The following FKBP15 variants were observed in gnomAD, a reference collection of about 807,000 sequenced individuals.
FKBP15 encodes FKBP prolyl isomerase family member 15.
Under a neutral mutation model 158.1 loss-of-function variants are expected in FKBP15, and 106 were observed. That is an observed-to-expected ratio of 0.67 (90% CI 0.57 to 0.79). The LOEUF is 0.79. Ranked by LOEUF, FKBP15 falls within the 30% of genes least tolerant of loss-of-function variation. FKBP15 has a pLI of 0.00. For synonymous variants in FKBP15, 547 were observed against 548.6 expected (o/e 1.00, Z 0.04); for missense variants, 1,287 against 1,479.1 (o/e 0.87, Z 2.13).
Position 113,166,096 on chromosome 9 carries a change from GTCATCGTCATCATCA to G in FKBP15, c.3627_3641del (p.Asp1210_Asp1214del). ...TGGGTCTTCATCCCAGCCAGTCAAT[GTCATCGTCATCATCA>G]TCATCTCCAAAAAGGGGCGTTGGGG... On this transcript the variant is annotated inframe_deletion, in exon 28 of 28. Transcript: ENST00000238256. The G allele has an allele frequency of 6.2e-7, 1 of 1,613,630 alleles. No individual in the cohort carries two copies. The highest frequency in any genetic ancestry group is 8.5e-7 in the Non-Finnish European group (1 of 1,179,746).
intron 19 of FKBP15, among the ~76,000 whole-genome samples, chr9:113,179,954 C>T (rs929503135): frequency 6.6e-6 from 1 of 152,190 alleles, no homozygotes; most frequent in African/African-American, 2.4e-5. Context: ...GAGTGGCTTT[C>T]ATCTACTCAT....
chr9:113,212,710 C>A (rs1441616313), intron 1 of FKBP15, among the ~76,000 whole-genome samples: 2 of 152,180 alleles, frequency 1.3e-5, no homozygotes, highest in African/African-American at 4.8e-5. Context: ...ACCCCTTGGG[C>A]TCTTCTTCTT....
intron 11 of FKBP15, among the ~76,000 whole-genome samples, chr9:113,191,127 A>G (rs1830566599): frequency 1.3e-5 from 2 of 152,100 alleles, no homozygotes; most frequent in Admixed American, 6.6e-5. Flanking sequence ...GGTGCACAAT[A>G]TGAGCTATTG....
chr9:113,191,881 A>G lies in FKBP15; in HGVS notation c.1066-1303T>C, dbSNP rs148690936. Among the ~76,000 whole-genome samples, 832 of 151,960 alleles carry G rather than the reference A, an allele frequency of 5.5e-3. 5 individuals carry two copies. Among genetic ancestry groups the G allele is most frequent in the African/African-American group, 0.019 (788 of 41,498 alleles). On this transcript the variant is annotated intron_variant, in intron 11 of 27. Transcript: ENST00000238256. ...ATAGGAGTGAGTCCTCACAATGTAG[A>G]TCTTGTTATATTGTTTTGATAACTG...
In FKBP15 at chr9:113,162,028, C is replaced by A; in HGVS notation, c.*4050G>T. 1 of 407,948 alleles carries A rather than the reference C, an allele frequency of 2.5e-6. No homozygotes were observed. 25.3% of individuals were successfully genotyped at this position (407,948 alleles called of 1,614,324 possible). A position where few individuals can be genotyped will look rare whatever the true frequency, so the allele number is the denominator to read the frequency against. On this transcript the variant is annotated 3_prime_UTR_variant, in exon 28 of 28. Coordinates refer to ENST00000238256, the MANE Select transcript of FKBP15 (RefSeq NM_015258.2). ...CTCACCAGTTCCATGGGTCACTAGG[C>A]TCCCATATCCAGGAGGGGATCTGCA...
intron 12 of FKBP15, 128 bp from the exon 13 acceptor site, chr9:113,188,619 C>T (rs1397555245): frequency 1.9e-5 from 14 of 723,336 alleles, no homozygotes; most frequent in Non-Finnish European, 2.8e-5. Context: ...GAAAGGTAAG[C>T]GGAAGGCCAA....
In FKBP15 at chr9:113,190,527, G is replaced by C. The variant is rs751234192; in HGVS notation, c.1117C>G (p.Gln373Glu). The C allele has an allele frequency of 6.2e-7, 1 of 1,612,504 alleles. No individual in the cohort carries two copies. The highest frequency in any genetic ancestry group is 1.1e-5 in the South Asian group (1 of 90,622). Residue 373 changes from glutamine (Q) to glutamate (E), a missense_variant, in exon 12 of 28, where the codon CAG becomes GAG. Gln to Glu is a conservative substitution (Grantham distance 29). Coordinates refer to ENST00000238256, the MANE Select transcript of FKBP15 (RefSeq NM_015258.2). Reference protein sequence around the residue: ...KLISRMAKMGQPMLPILPPQL... With the variant: ...KLISRMAKMGEPMLPILPPQL... ...GGTGGAAGGATGGGCAGCATGGGCTGGCCCATTTTAGCCATCCGAGAGATC... is the reference window on the plus strand; with the variant it reads ...GGTGGAAGGATGGGCAGCATGGGCTCGCCCATTTTAGCCATCCGAGAGATC...
At position 113,207,273 on chromosome 9, in the gene FKBP15, C is replaced by T. The variant is rs1269087177; in HGVS notation, c.193G>A (p.Ala65Thr). 6.2e-7 allele frequency: 1 copy of T among 1,612,942 alleles called. No individual in the cohort carries two copies. Among genetic ancestry groups the T allele is most frequent in the African/African-American group, 1.3e-5 (1 of 74,518 alleles). The change falls in exon 3 of 28, where the codon GCA (alanine) becomes ACA (threonine). Residue 65 changes from alanine to threonine, a missense_variant. Transcript: ENST00000238256. Reference sequence around the variant, plus strand: ...GTGGGAGTGCTCATGGTGGCTGGTGCTGTTTTTGGTGTTGCCTGATTTCCT... The same window carrying T: ...GTGGGAGTGCTCATGGTGGCTGGTGTTGTTTTTGGTGTTGCCTGATTTCCT... Reference protein sequence around the residue: ...ATGNQATPKTAPATMSTPTIL... With the variant: ...ATGNQATPKTTPATMSTPTIL...
rs763455123 is a variant in FKBP15 at position 113,162,927 on chromosome 9, A to G, written c.*3151T>C. The G allele has an allele frequency of 6.9e-6, 11 of 1,598,844 alleles. No individual in the cohort carries two copies. In the Admixed American group the frequency reaches 1.4e-4, roughly 20 times the overall value. ...TCTCAGCACAGCTTAGCTGGTGAGG[A>G]ACGTGCAGGCACTGAGGCTGGAGGG... On this transcript the variant is annotated 3_prime_UTR_variant, in exon 28 of 28. Transcript: ENST00000238256.
chr9:113,166,156 C>T lies in FKBP15; in HGVS notation c.3583-1G>A, dbSNP rs1460670471. 1.9e-6 allele frequency: 3 copies of T among 1,611,768 alleles called. No homozygotes were observed. Among genetic ancestry groups the T allele is most frequent in the Non-Finnish European group, 2.5e-6 (3 of 1,178,984 alleles). ...TTGGGGGCGGGCGTCCCTTCATGCTCTGATAAAACAGGAAAGAGCAGTCAG... is the reference window on the plus strand; with the variant it reads ...TTGGGGGCGGGCGTCCCTTCATGCTTTGATAAAACAGGAAAGAGCAGTCAG... On this transcript the variant is annotated splice_acceptor_variant, in intron 27 of 27. Coordinates refer to ENST00000238256, the MANE Select transcript of FKBP15 (RefSeq NM_015258.2). LOFTEE classifies it high-confidence loss of function.
intron 2 of FKBP15, among the ~76,000 whole-genome samples, chr9:113,209,811 C>G (rs562559694): frequency 1.3e-5 from 2 of 152,360 alleles, no homozygotes; most frequent in African/African-American, 2.4e-5. Context: ...TAAAGCCAAC[C>G]TCCTCTGCTC....
intron 25 of FKBP15, 89 bp from the exon 26 acceptor site, chr9:113,170,031 A>G (rs1830177520): frequency 7.0e-7 from 1 of 1,432,216 alleles, no homozygotes; most frequent in East Asian, 2.5e-5. Flanking sequence ...ATGTAGTTTA[A>G]ATGACTTTGC....
At chr9:113,206,453 C>A in intron 4 of FKBP15, 56 bp downstream of exon 4, 1 of 1,410,094 alleles carries the variant, frequency 7.1e-7, no homozygotes, top group Non-Finnish European at 1.0e-6. Context: ...TAAAAGCCAG[C>A]TCATTGGTAT....
At position 113,176,536 on chromosome 9, in the gene FKBP15, C is replaced by A; in HGVS notation, c.2223+1G>T. ...CTGGCCAACTGGGTTGTAGAGCTTA[C>A]CTTTTCCAAGGACTCCTTCTCAACT... is the stretch of plus-strand genomic sequence containing the variant. On this transcript the variant is annotated splice_donor_variant, in intron 21 of 27. Coordinates refer to ENST00000238256, the MANE Select transcript of FKBP15 (RefSeq NM_015258.2). LOFTEE classifies it high-confidence loss of function. 1 of 1,553,404 alleles carries A rather than the reference C, an allele frequency of 6.4e-7. No homozygotes were observed. Among genetic ancestry groups the A allele is most frequent in the Non-Finnish European group, 8.7e-7 (1 of 1,147,558 alleles).
intron 1 of FKBP15, among the ~76,000 whole-genome samples, chr9:113,215,304 T>G (rs1831096807): frequency 6.6e-6 from 1 of 151,720 alleles, no homozygotes. Flanking sequence ...GAGGTCGTTG[T>G]AGGGTTATTA....
At chr9:113,171,798 C>CTCT in intron 23 of FKBP15, 92 bp from the exon 24 acceptor site, 1 of 834,334 alleles carries the variant, frequency 1.2e-6, no homozygotes, top group Non-Finnish European at 1.6e-6. Flanking sequence ...CATCAAGTCT[C>CTCT]TTTTTTTTTT....
Position 113,169,354 on chromosome 9 carries a change from G to A in FKBP15, c.3355C>T (p.Gln1119Ter), listed in dbSNP as rs2118856771. 6.2e-7 allele frequency: 1 copy of A among 1,614,074 alleles called. No individual in the cohort carries two copies. Among genetic ancestry groups the A allele is most frequent in the Non-Finnish European group, 8.5e-7 (1 of 1,179,908 alleles). ...ALGPESPGEP[Q>*]PPQLKKDDVT... The stretch of plus-strand genomic sequence containing the variant: ...TCATCTTTCTTGAGCTGTGGAGGCT[G>A]AGGCTCTCCTGGGCTTTCAGGCCCT... The change falls in exon 26 of 28, where the codon CAG becomes TAG. Residue 1119 changes from glutamine to a stop codon, truncating the protein, a stop_gained. Transcript: ENST00000238256. LOFTEE classifies it high-confidence loss of function.
At chr9:113,207,159 A>G in intron 3 of FKBP15, 53 bp downstream of exon 3, 1 of 1,212,022 alleles carries the variant, frequency 8.3e-7, no homozygotes, top group South Asian at 1.4e-5. Flanking sequence ...AAAGTAGCTT[A>G]ACTGCACGCC....
intron 19 of FKBP15, among the ~76,000 whole-genome samples, chr9:113,182,427 A>G (rs190098966): frequency 6.6e-6 from 1 of 152,346 alleles, no homozygotes; most frequent in East Asian, 1.9e-4. Flanking sequence ...AAACAATCTT[A>G]AATTCCACTA....
Sources: gnomAD v4.1 joint callset for allele counts (sites outside exome capture counted in the v4.1 genomes callset) on GRCh38, gnomAD v4.1.1 for gene constraint, MANE v1.5 for transcripts, NCBI Gene and HGNC (gene_info 2026-07-23, HGNC 2026-07-21) for gene names.